Variants in ARHGEF4 observed in about 807,000 individuals in gnomAD.
ARHGEF4 encodes Rho guanine nucleotide exchange factor 4.
ARHGEF4 carries 119 observed loss-of-function variants against 162.0 expected under a neutral mutation model. That is an observed-to-expected ratio of 0.73 (90% CI 0.63 to 0.86). The LOEUF (loss-of-function observed/expected upper bound fraction) is 0.86, where lower values mean the gene tolerates loss of function less well. ARHGEF4 is among the 40% of genes least tolerant of loss of function. The probability of loss-of-function intolerance (pLI) is 0.00; values close to 1 mark genes in which losing one functional copy is unlikely to be tolerated. For synonymous variants in ARHGEF4, 1,014 were observed against 979.9 expected, an observed-to-expected ratio of 1.03 and a Z score of -0.65; for missense variants, 2,488 against 2,456.0, an observed-to-expected ratio of 1.01 and a Z score of -0.28.
At chr2:130,937,009 G>A (rs1323966497) in intron 3 of ARHGEF4, among the ~76,000 whole-genome samples, 1 of 144,488 alleles carries the variant, frequency 6.9e-6, no homozygotes, top group African/African-American at 2.6e-5. Flanking sequence ...CTAAGTTCAA[G>A]CAATTCTCCT....
At chr2:130,888,775 A>G (rs757717921) in intron 1 of ARHGEF4, among the ~76,000 whole-genome samples, 22 of 152,162 alleles carry the variant, frequency 1.4e-4, no homozygotes, top group Middle Eastern at 3.4e-3. Context: ...TTTGGTAAAC[A>G]TTACAATATT....
chr2:130,914,859 C>T lies in ARHGEF4; in HGVS notation c.913C>T (p.Arg305Cys), dbSNP rs1045518698. The stretch of plus-strand genomic sequence containing the variant: ...TCCTTTGAGGACATCTTGCCTCCTA[C>T]GCACCAACCGTCACCATAGTGCCCC... ...QPPLRTSCLL[R>C]TNRHHSAPET... The change falls in exon 2 of 14, where the codon CGC (arginine) becomes TGC (cysteine). Residue 305 changes from arginine (R) to cysteine (C), a missense_variant. Arg to Cys is a radical substitution (Grantham distance 180). Around this residue, in one of 6 missense-constraint regions of ARHGEF4, gnomAD observed 1,642 missense variants for 1,481.5 expected, o/e 1.11. Coordinates refer to ENST00000409359, the MANE Select transcript of ARHGEF4 (RefSeq NM_001367493.1). 2.2e-5 allele frequency: 32 copies of T among 1,479,546 alleles called. No homozygotes were observed. Among genetic ancestry groups the T allele is most frequent in the African/African-American group, 2.1e-4 (15 of 71,028 alleles). The allele number at this position is 1,479,546 out of a possible 1,614,324, so 91.7% of individuals were successfully genotyped here. A position where few individuals can be genotyped will look rare whatever the true frequency, so the allele number is the denominator to read the frequency against.
At chr2:130,962,278 G>C (rs534696203) in intron 4 of ARHGEF4, among the ~76,000 whole-genome samples, 3 of 151,018 alleles carry the variant, frequency 2.0e-5, no homozygotes, top group African/African-American at 4.9e-5. Flanking sequence ...GGAAGGTTGC[G>C]TGCTGGCTAC....
At chr2:130,963,823 A>C (rs1252872344) in intron 4 of ARHGEF4, 1 of 15,426 alleles carries the variant, frequency 6.5e-5, no homozygotes, top group Non-Finnish European at 1.5e-4. Context: ...CGCGCCTGCC[A>C]AGGGTCCCAG....
Position 130,916,048 on chromosome 2 carries a change from A to T in ARHGEF4, c.2102A>T (p.Asp701Val), listed in dbSNP as rs1340290858. 1 of 1,550,340 alleles carries T rather than the reference A, an allele frequency of 6.5e-7. No homozygotes were observed. The part of the protein sequence containing the change: ...LPAAPIQGAG[D>V]GALQRVAQAA... ...GCAGCCCCCATACAGGGAGCTGGCG[A>T]TGGGGCTCTTCAGCGGGTGGCCCAG... Residue 701 changes from aspartate (D) to valine (V), a missense_variant, in exon 2 of 14, where the codon GAT (aspartate) becomes GTT (valine). By Grantham distance (152) the Asp-to-Val change is radical. Coordinates refer to ENST00000409359, the MANE Select transcript of ARHGEF4 (RefSeq NM_001367493.1).
At chr2:130,986,057 A>G (rs759333117) in intron 4 of ARHGEF4, among the ~76,000 whole-genome samples, 1 of 150,358 alleles carries the variant, frequency 6.7e-6, no homozygotes, top group Non-Finnish European at 1.5e-5. Flanking sequence ...AGTATATGTT[A>G]TGTGTGTAGT....
intron 1 of ARHGEF4, among the ~76,000 whole-genome samples, chr2:130,864,438 G>A (rs1012913074): frequency 7.3e-5 from 11 of 151,656 alleles, no homozygotes; most frequent in African/African-American, 2.4e-4. Context: ...GGAGTATGGC[G>A]TTTTGGCCAG....
rs141063543 is a variant in ARHGEF4 at position 130,964,437 on chromosome 2, T to G, written c.3985+17802T>G. On this transcript the variant is annotated intron_variant, in intron 4 of 13. Transcript: ENST00000409359. Reference sequence around the variant, plus strand: ...TTTTCTTTTTCTGGTTTCCTTCTGATTCCCACTGCCTGTCTCTCTGATCCA... The same window carrying G: ...TTTTCTTTTTCTGGTTTCCTTCTGAGTCCCACTGCCTGTCTCTCTGATCCA... Among the ~76,000 whole-genome samples, 50 of 152,342 alleles carry G rather than the reference T, an allele frequency of 3.3e-4. No individual in the cohort carries two copies. In the East Asian group the frequency reaches 9.5e-3, roughly 29 times the overall value.
intron 5 of ARHGEF4, chr2:131,035,240 TCTTC>T: frequency 1.6e-6 from 2 of 1,223,088 alleles, no homozygotes; most frequent in Non-Finnish European, 2.0e-6. Flanking sequence ...GTCGTACTGA[TCTTC>T]CTGCTGGCCT....
At chr2:130,930,458 A>G (rs1159215916) in intron 2 of ARHGEF4, among the ~76,000 whole-genome samples, 3 of 152,150 alleles carry the variant, frequency 2.0e-5, no homozygotes, top group Admixed American at 6.5e-5. Flanking sequence ...CCTGGTGCGT[A>G]ACGGCAACCA....
intron 1 of ARHGEF4, among the ~76,000 whole-genome samples, chr2:130,878,262 A>G (rs776308184): frequency 6.6e-6 from 1 of 152,184 alleles, no homozygotes; most frequent in Non-Finnish European, 1.5e-5. Context: ...AAAATAGATC[A>G]TGGGCTAGAT....
chr2:130,868,286 C>T (rs991915417), intron 1 of ARHGEF4, among the ~76,000 whole-genome samples: 1 of 152,038 alleles, frequency 6.6e-6, no homozygotes, highest in East Asian at 1.9e-4. Context: ...ACGTCTTTTC[C>T]TTATGGAATA....
At chr2:131,035,062 G>C (rs1413604035) in intron 5 of ARHGEF4, 1 of 1,005,290 alleles carries the variant, frequency 9.9e-7, no homozygotes, top group South Asian at 4.5e-5. Flanking sequence ...GCGGGATCTC[G>C]GGGCCGCACG....
At chr2:130,865,417 G>A (rs961005502) in intron 1 of ARHGEF4, among the ~76,000 whole-genome samples, 5 of 152,182 alleles carry the variant, frequency 3.3e-5, no homozygotes, top group Non-Finnish European at 4.4e-5. Flanking sequence ...TAGCACTGAC[G>A]GTGCAGTTAT....
At position 131,039,027 on chromosome 2, in the gene ARHGEF4, G is replaced by A. The variant is rs369020916; in HGVS notation, c.4300G>A (p.Val1434Ile). ...DGEGWFPASF[V>I]RLRVNQDEPA... is the part of the protein sequence containing the mutation. ...CGAGGGCTGGTTTCCAGCCAGCTTC[G>A]TTCGGGTATGGTTCCAAGCCCCAGC... The change falls in exon 6 of 14, where the codon GTT becomes ATT. Residue 1434 changes from valine (V) to isoleucine (I), a missense_variant. By Grantham distance (29) the Val-to-Ile change is conservative. Transcript: ENST00000409359. 4 of 1,611,120 alleles carry A rather than the reference G, an allele frequency of 2.5e-6. No individual in the cohort carries two copies. Among genetic ancestry groups the A allele is most frequent in the Non-Finnish European group, 2.5e-6 (3 of 1,178,790 alleles).
At chr2:130,982,288 C>A (rs1686171606) in intron 4 of ARHGEF4, among the ~76,000 whole-genome samples, 1 of 152,118 alleles carries the variant, frequency 6.6e-6, no homozygotes, top group South Asian at 2.1e-4. Context: ...CCATGCCCGG[C>A]CTGCGTTTTT....
chr2:130,946,376 A>G, intron 3 of ARHGEF4, 133 bp from the exon 4 acceptor site: 1 of 1,098,616 alleles, frequency 9.1e-7, no homozygotes, highest in Non-Finnish European at 1.3e-6. Context: ...CATCCCCTGG[A>G]GCTGTGCATA....
chr2:130,889,848 C>T (rs566985034), intron 1 of ARHGEF4, among the ~76,000 whole-genome samples: 84 of 147,866 alleles, frequency 5.7e-4, no homozygotes, highest in African/African-American at 2.0e-3. Context: ...TGCTATTGAA[C>T]GGTATTTTCA....
In ARHGEF4 at chr2:130,913,999, G is replaced by T. The variant is rs181363725; in HGVS notation, c.53G>T (p.Gly18Val). The part of the protein sequence containing the change: ...LRSFFKTPEP[G>V]AHLPGEGEIE... Reference sequence around the variant, plus strand: ...TTGCCCTCCCAGACTCCAGAGCCAGGTGCACACCTGCCAGGTGAAGGTGAG... The same window carrying T: ...TTGCCCTCCCAGACTCCAGAGCCAGTTGCACACCTGCCAGGTGAAGGTGAG... The change falls in exon 2 of 14, where the codon GGT (glycine) becomes GTT (valine). Residue 18 changes from glycine to valine, a missense_variant. Gly to Val is a moderately radical substitution (Grantham distance 109). Around this residue, in one of 6 missense-constraint regions of ARHGEF4, gnomAD observed 171 missense variants for 169.4 expected, o/e 1.01. Coordinates refer to ENST00000409359, the MANE Select transcript of ARHGEF4 (RefSeq NM_001367493.1). The T allele has an allele frequency of 7.3e-3, 11,192 of 1,536,086 alleles. 53 individuals are homozygous for T. Among genetic ancestry groups the T allele is most frequent in the Non-Finnish European group, 8.5e-3 (9,744 of 1,146,912 alleles).
Sources: allele counts gnomAD v4.1 joint callset (sites outside exome capture counted in the v4.1 genomes callset), GRCh38; gene constraint gnomAD v4.1.1; regional missense constraint gnomAD v4.1.1; transcripts MANE v1.5; gene names NCBI Gene and HGNC (gene_info 2026-07-23, HGNC 2026-07-21).